The following KHDRBS3 variants were observed in gnomAD, a reference collection of about 807,000 sequenced individuals.
KHDRBS3 encodes the protein KH RNA binding domain containing, signal transduction associated 3.
In KHDRBS3, 23 loss-of-function variants were observed where a neutral mutation model predicts 45.6. That is an observed-to-expected ratio of 0.50 (90% CI 0.36 to 0.72). The LOEUF (loss-of-function observed/expected upper bound fraction) is 0.72, where lower values mean the gene tolerates loss of function less well. Among genes scored for constraint, KHDRBS3 ranks in the 30% least tolerant of loss-of-function variants. The pLI, the probability that KHDRBS3 is intolerant of heterozygous loss-of-function variation, is 0.00. For synonymous variants in KHDRBS3, 162 were observed against 156.5 expected (o/e 1.04, Z -0.26); for missense variants, 352 against 424.8 (o/e 0.83, Z 1.51).
intron 1 of KHDRBS3, among the ~76,000 whole-genome samples, chr8:135,493,315 G>T (rs1823251655): frequency 6.6e-6 from 1 of 151,876 alleles, no homozygotes; most frequent in African/African-American, 2.4e-5. Context: ...TATCATACTG[G>T]CTAGGACCCC....
chr8:135,642,714 T>G (rs1228465326), intron 7 of KHDRBS3, among the ~76,000 whole-genome samples: 1 of 152,192 alleles, frequency 6.6e-6, no homozygotes. Flanking sequence ...AAGGATATGA[T>G]TAAGCCAGGA....
intron 4 of KHDRBS3, among the ~76,000 whole-genome samples, chr8:135,552,307 A>G (rs1826645154): frequency 6.6e-6 from 1 of 150,818 alleles, no homozygotes; most frequent in South Asian, 2.1e-4. Flanking sequence ...AGGGTTTTTC[A>G]TCCGTTTTTC....
At chr8:135,482,313 A>T (rs1274681358) in intron 1 of KHDRBS3, among the ~76,000 whole-genome samples, 1 of 152,088 alleles carries the variant, frequency 6.6e-6, no homozygotes, top group African/African-American at 2.4e-5. Flanking sequence ...CAGTCTTTGG[A>T]TTTGCATTTG....
At chr8:135,628,424 G>A (rs1175922037) in intron 7 of KHDRBS3, among the ~76,000 whole-genome samples, 1 of 152,142 alleles carries the variant, frequency 6.6e-6, no homozygotes, top group Non-Finnish European at 1.5e-5. Flanking sequence ...AGTAGAAGTG[G>A]TGAGAGCTTG....
downstream of KHDRBS3, among the ~76,000 whole-genome samples, chr8:135,649,351 G>C (rs1338084527): frequency 6.6e-6 from 1 of 152,130 alleles, no homozygotes; most frequent in Non-Finnish European, 1.5e-5. Flanking sequence ...ATCCCATGCA[G>C]TTGTTAGAAG....
chr8:135,588,763 A>G (rs1302467399), intron 6 of KHDRBS3, among the ~76,000 whole-genome samples: 6 of 152,198 alleles, frequency 3.9e-5, no homozygotes, highest in East Asian at 1.9e-4. Flanking sequence ...CAATCAAGCT[A>G]TACATTTCTT....
chr8:135,578,450 A>T (rs1828049641), intron 5 of KHDRBS3, among the ~76,000 whole-genome samples: 1 of 149,068 alleles, frequency 6.7e-6, no homozygotes. Context: ...ATTGATATTC[A>T]CTTGTTCCTA....
At chr8:135,468,437 G>A (rs1267524064) in intron 1 of KHDRBS3, among the ~76,000 whole-genome samples, 2 of 152,158 alleles carry the variant, frequency 1.3e-5, no homozygotes, top group Admixed American at 1.3e-4. Context: ...ATCTGTAGCT[G>A]TACCTTCATT....
intron 1 of KHDRBS3, among the ~76,000 whole-genome samples, chr8:135,478,648 A>G (rs778417321): frequency 6.6e-6 from 1 of 152,224 alleles, no homozygotes; most frequent in Non-Finnish European, 1.5e-5. Flanking sequence ...CCACAGTAGA[A>G]TGGGATTAAG....
intron 6 of KHDRBS3, among the ~76,000 whole-genome samples, chr8:135,600,035 ACAGCACCAGGCAGCAG>A (rs1358907000): frequency 1.2e-3 from 35 of 28,536 alleles, no homozygotes; most frequent in Non-Finnish European, 2.4e-3. Flanking sequence ...CACCTCCCTC[ACAGCACCAGGCAGCAG>A]TGGCAGGCAC....
At chr8:135,644,553 G>A (rs10104471) in intron 7 of KHDRBS3, among the ~76,000 whole-genome samples, 131,824 of 152,262 alleles carry the variant, frequency 0.87, 57,168 homozygotes, top group East Asian at 1. Context: ...ATGCAGCACC[G>A]GGTTCTCTGG....
At chr8:135,555,271 A>G (rs1217887784) in intron 4 of KHDRBS3, among the ~76,000 whole-genome samples, 2 of 152,200 alleles carry the variant, frequency 1.3e-5, no homozygotes, top group Non-Finnish European at 2.9e-5. Flanking sequence ...GTTTTCATCA[A>G]AGACAAGCTT....
intron 5 of KHDRBS3, among the ~76,000 whole-genome samples, chr8:135,558,644 ATTTAT>A (rs1209655885): frequency 1.3e-5 from 2 of 152,172 alleles, no homozygotes; most frequent in East Asian, 3.9e-4. Context: ...TTATGAGATA[ATTTAT>A]GTAGGTACTC....
Position 135,582,032 on chromosome 8 carries a change from C to T in KHDRBS3, c.766C>T (p.Pro256Ser). The T allele has an allele frequency of 6.3e-7, 1 of 1,597,386 alleles. No homozygotes were observed. Among genetic ancestry groups the T allele is most frequent in the Non-Finnish European group, 8.5e-7 (1 of 1,169,852 alleles). ...ARGVPPTGYR[P>S]PPPPPTQETY... is the part of the protein sequence containing the mutation. ...AGGAGTCCCCCCAACTGGGTACAGACCTCCACCGCCACCCCCGACACAAGA... is the reference window on the plus strand; with the variant it reads ...AGGAGTCCCCCCAACTGGGTACAGATCTCCACCGCCACCCCCGACACAAGA... The change falls in exon 6 of 9, where the codon CCT becomes TCT. Residue 256 changes from proline (P) to serine (S), a missense_variant. Transcript: ENST00000355849.
At chr8:135,575,683 A>T (rs780892634) in intron 5 of KHDRBS3, among the ~76,000 whole-genome samples, 1 of 152,156 alleles carries the variant, frequency 6.6e-6, no homozygotes, top group Non-Finnish European at 1.5e-5. Flanking sequence ...ATTTTAGAAC[A>T]GTTGTGGCTT....
chr8:135,575,334 C>T (rs1311433971), intron 5 of KHDRBS3, among the ~76,000 whole-genome samples: 2 of 152,194 alleles, frequency 1.3e-5, no homozygotes, highest in Non-Finnish European at 2.9e-5. Flanking sequence ...TGTCCTTCCC[C>T]AGCTCCATAG....
intron 2 of KHDRBS3, among the ~76,000 whole-genome samples, chr8:135,524,540 C>T (rs759734060): frequency 3.3e-5 from 5 of 152,098 alleles, no homozygotes; most frequent in Admixed American, 6.6e-5. Context: ...TGACATCTTT[C>T]GTGAAAATTT....
intron 2 of KHDRBS3, chr8:135,539,419 G>A (rs1169809330): frequency 6.6e-6 from 1 of 152,310 alleles, no homozygotes; most frequent in Non-Finnish European, 1.5e-5. Context: ...GCCAGGTCAT[G>A]CCATTTTCAG....
intron 5 of KHDRBS3, among the ~76,000 whole-genome samples, chr8:135,569,758 G>A (rs894365935): frequency 3.3e-5 from 5 of 152,100 alleles, no homozygotes; most frequent in African/African-American, 9.7e-5. Flanking sequence ...AGTCACCCAG[G>A]GCAGGTTCTG....
Sources: allele counts gnomAD v4.1 joint callset (sites outside exome capture counted in the v4.1 genomes callset), GRCh38; gene constraint gnomAD v4.1.1; transcripts MANE v1.5; gene names NCBI Gene and HGNC (gene_info 2026-07-23, HGNC 2026-07-21).